Variants in KCNC4 observed in about 807,000 individuals in gnomAD.
The protein encoded by KCNC4 is potassium voltage-gated channel subfamily C member 4, also known as voltage-gated potassium channel KCNC4.
A neutral mutation model predicts 42.8 loss-of-function variants in KCNC4; 23 were observed. That is an observed-to-expected ratio of 0.54 (90% CI 0.39 to 0.76). The LOEUF is 0.76. KCNC4 is among the 30% of genes least tolerant of loss of function. The pLI, the probability that KCNC4 is intolerant of heterozygous loss-of-function variation, is 0.00. For synonymous variants in KCNC4, 422 were observed against 393.5 expected (o/e 1.07, Z -0.86); for missense variants, 751 against 898.2 (o/e 0.84, Z 2.10).
intron 1 of KCNC4, among the ~76,000 whole-genome samples, chr1:110,214,300 A>G (rs1318201061): frequency 6.6e-6 from 1 of 152,226 alleles, no homozygotes; most frequent in Non-Finnish European, 1.5e-5. Flanking sequence ...TAGCAGAGGC[A>G]GGAAACCACC....
In KCNC4 at chr1:110,211,407, G is replaced by A. The variant is rs756778946; in HGVS notation, c.-93G>A. The A allele has an allele frequency of 8.0e-4, 1,189 of 1,479,690 alleles. 1 individual carries two copies. The highest frequency in any genetic ancestry group is 2.4e-3 in the Middle Eastern group (10 of 4,178). The allele number at this position is 1,479,690 out of a possible 1,614,324, so 91.7% of individuals were successfully genotyped here. A position where few individuals can be genotyped will look rare whatever the true frequency, so the allele number is the denominator to read the frequency against. ...CGCCACCGCCTCCTGCCTCCTCTTCGTCTCCTCCCCCTCCCCCGTCTGACG... is the reference window on the plus strand; with the variant it reads ...CGCCACCGCCTCCTGCCTCCTCTTCATCTCCTCCCCCTCCCCCGTCTGACG... On this transcript the variant is annotated 5_prime_UTR_variant, in exon 1 of 4. Transcript: ENST00000438661. This position sits in a 1 kb window ranked among gnomAD's most constrained non-coding sequence, Gnocchi z 6.5.
rs147638877 is a variant in KCNC4 at position 110,225,864 on chromosome 1, C to A, written c.1616-111C>A. 1.2e-3 allele frequency: 1,213 copies of A among 1,025,854 alleles called. 11 individuals are homozygous for A. The highest frequency in any genetic ancestry group is 6.9e-3 in the South Asian group (442 of 63,658). 63.5% of individuals were successfully genotyped at this position (1,025,854 alleles called of 1,614,324 possible). A position where few individuals can be genotyped will look rare whatever the true frequency, so the allele number is the denominator to read the frequency against. Reference sequence around the variant, plus strand: ...TGCTGCCTCTCAGGTAGATGCTAGGCCCCTCCCAAGGTTGAGGAAGTAACA... The same window carrying A: ...TGCTGCCTCTCAGGTAGATGCTAGGACCCTCCCAAGGTTGAGGAAGTAACA... On this transcript the variant is annotated intron_variant, in intron 2 of 3. Transcript: ENST00000438661.
intron 3 of KCNC4, 54 bp downstream of exon 3, chr1:110,226,232 G>A (rs763109402): frequency 1.8e-5 from 28 of 1,540,050 alleles, no homozygotes; most frequent in South Asian, 3.4e-5. Flanking sequence ...TGAGTCTCCC[G>A]AGTCCCCCAC....
intron 1 of KCNC4, among the ~76,000 whole-genome samples, chr1:110,268,570 C>A (rs1659583766): frequency 1.5e-5 from 2 of 135,026 alleles, no homozygotes; most frequent in Admixed American, 7.9e-5. Context: ...CGCGCCACTG[C>A]ACTCCAGCCT....
At chr1:110,230,802 GC>G (rs1316645984) in intron 3 of KCNC4, among the ~76,000 whole-genome samples, 3 of 152,190 alleles carry the variant, frequency 2.0e-5, no homozygotes, top group Non-Finnish European at 4.4e-5. Context: ...GCACCTCTGG[GC>G]CTGCCCAGGG....
chr1:110,223,907 T>G lies in KCNC4; in HGVS notation c.1615+7T>G. The G allele has an allele frequency of 6.3e-7, 1 of 1,576,054 alleles. No homozygotes were observed. The highest frequency in any genetic ancestry group is 8.6e-7 in the Non-Finnish European group (1 of 1,157,978). On this transcript the variant is annotated splice_region_variant and intron_variant, in intron 2 of 3. Transcript: ENST00000438661. The surrounding 1 kb of genome is among the most constrained non-coding windows in gnomAD (Gnocchi z 7.5). ...ATCGAGAGGAAACGGGCAGGTGAGA[T>G]TAGGGGTTGGGAAGGAAAATCCCTT...
Position 110,211,607 on chromosome 1 carries a change from G to A in KCNC4, c.108G>A (p.Glu36=), listed in dbSNP as rs1461454797. 3.1e-6 allele frequency: 5 copies of A among 1,613,946 alleles called. No individual in the cohort carries two copies. The highest frequency in any genetic ancestry group is 1.7e-5 in the Admixed American group (1 of 60,014). ...AGATGGCCAAGGGCGAGGCGTCGGA[G>A]AAGATCATCATCAACGTGGGCGGCA... ...KEEMAKGEAS[E]KIIINVGGTR... Residue 36 remains glutamate, a synonymous_variant, in exon 1 of 4, where the codon GAG becomes GAA. Coordinates refer to ENST00000438661, the MANE Select transcript of KCNC4 (RefSeq NM_001039574.3). The surrounding 1 kb of genome is among the most constrained non-coding windows in gnomAD (Gnocchi z 6.5).
At chr1:110,214,812 A>C (rs1159553312) in intron 1 of KCNC4, among the ~76,000 whole-genome samples, 1 of 152,226 alleles carries the variant, frequency 6.6e-6, no homozygotes, top group African/African-American at 2.4e-5. Flanking sequence ...TGTGGATGAC[A>C]TCAGAAAACC....
chr1:110,232,647 A>G lies in KCNC4; in HGVS notation c.1820-264A>G, dbSNP rs1658754799. The G allele has an allele frequency of 9.0e-6, 13 of 1,445,072 alleles. 2 individuals carry two copies. The South Asian group carries it at 1.9e-4, about 21-fold the overall frequency. 89.5% of individuals were successfully genotyped at this position (1,445,072 alleles called of 1,614,324 possible). On this transcript the variant is annotated intron_variant, in intron 3 of 3. Coordinates refer to ENST00000438661, the MANE Select transcript of KCNC4 (RefSeq NM_001039574.3). ...CCTGAGTCACCAGAGTTGGGTTGGC[A>G]GAGGGGTGAAGGGTTCACCCCATTC...
chr1:110,259,400 C>T (rs1659388469), intron 1 of KCNC4, among the ~76,000 whole-genome samples: 1 of 152,200 alleles, frequency 6.6e-6, no homozygotes, highest in African/African-American at 2.4e-5. Context: ...CCAGACATTG[C>T]TACTTATTCC....
intron 1 of KCNC4, among the ~76,000 whole-genome samples, chr1:110,262,478 T>G (rs1183904509): frequency 6.6e-6 from 1 of 152,324 alleles, no homozygotes; most frequent in Admixed American, 6.5e-5. Context: ...CCTGCCCCAG[T>G]GCCTACCTCT....
chr1:110,250,943 T>C (rs1659240228), downstream of KCNC4, among the ~76,000 whole-genome samples: 1 of 152,154 alleles, frequency 6.6e-6, no homozygotes, highest in Admixed American at 6.5e-5. Context: ...GAGGCTTATC[T>C]ATACTCCAGC....
rs1435301375 is a variant in KCNC4 at position 110,226,053 on chromosome 1, C to A, written c.1694C>A (p.Ser565Tyr). The A allele has an allele frequency of 6.2e-7, 1 of 1,614,046 alleles. No individual in the cohort carries two copies. Among genetic ancestry groups the A allele is most frequent in the Admixed American group, 1.7e-5 (1 of 60,026 alleles). The change falls in exon 3 of 4, where the codon TCC (serine) becomes TAC (tyrosine). Residue 565 changes from serine to tyrosine, a missense_variant. Ser to Tyr is a moderately radical substitution (Grantham distance 144, BLOSUM62 -2). Coordinates refer to ENST00000438661, the MANE Select transcript of KCNC4 (RefSeq NM_001039574.3). Reference protein sequence around the residue: ...GAGLTQPLASSPTPEERRALR... With the variant: ...GAGLTQPLASYPTPEERRALR... ...GGCCTCACCCAACCCCTGGCCTCCT[C>A]CCCGACCCCCGAGGAGCGCCGGGCC...
chr1:110,240,228 AG>A (rs1406997846), exon 4 of KCNC4: 1 of 152,222 alleles, frequency 6.6e-6, no homozygotes, highest in African/African-American at 2.4e-5. Context: ...CCCCAGCCTT[AG>A]GTGGGACAGC....
chr1:110,234,985 T>TG (rs1192020441), downstream of KCNC4: 2 of 152,448 alleles, frequency 1.3e-5, no homozygotes, highest in South Asian at 2.1e-4. Flanking sequence ...TGGTGTCATG[T>TG]GTCTACCTGT....
At chr1:110,278,398 T>A (rs1456532509) in intron 1 of KCNC4, among the ~76,000 whole-genome samples, 1 of 152,104 alleles carries the variant, frequency 6.6e-6, no homozygotes. Context: ...GTTGTAACAA[T>A]GAGAGGGAGT....
chr1:110,254,707 A>G (rs1027126186), intron 1 of KCNC4, among the ~76,000 whole-genome samples: 91 of 152,330 alleles, frequency 6.0e-4, no homozygotes, highest in African/African-American at 2.1e-3. Context: ...GAGACTAGGA[A>G]TATATTCAAA....
In KCNC4 at chr1:110,233,067, G is replaced by C; in HGVS notation, c.*95G>C. ...AGACAAGAATCTTTTCGCTGGGAAA[G>C]ACTCAGATATCCTTGTTTGCACAGG... On this transcript the variant is annotated 3_prime_UTR_variant, in exon 4 of 4. Transcript: ENST00000438661. 6.9e-7 allele frequency: 1 copy of C among 1,453,970 alleles called. No homozygotes were observed. 90.1% of individuals were successfully genotyped at this position (1,453,970 alleles called of 1,614,324 possible).
chr1:110,227,447 A>G (rs145930285), intron 3 of KCNC4, among the ~76,000 whole-genome samples: 1 of 152,308 alleles, frequency 6.6e-6, no homozygotes, highest in Non-Finnish European at 1.5e-5. Context: ...ACTGGCAGAA[A>G]TGGGAATAGT....
Sources: gnomAD v4.1 joint callset for allele counts (sites outside exome capture counted in the v4.1 genomes callset) on GRCh38, gnomAD v4.1.1 for gene constraint, Gnocchi (gnomAD v3.1) non-coding constraint, MANE v1.5 for transcripts, NCBI Gene and HGNC (gene_info 2026-07-23, HGNC 2026-07-21) for gene names.